PLXDC1: variants seen among roughly 807,000 people sequenced by gnomAD.
PLXDC1 encodes plexin domain-containing protein 1.
PLXDC1 carries 39 observed loss-of-function variants against 61.3 expected under a neutral mutation model. That is an observed-to-expected ratio of 0.64 (90% confidence interval 0.49 to 0.83). The LOEUF (loss-of-function observed/expected upper bound fraction) is 0.83, where lower values mean the gene tolerates loss of function less well. PLXDC1 is among the 40% of genes least tolerant of loss of function. The pLI is 0.00. For synonymous variants in PLXDC1, 212 were observed against 254.5 expected, an observed-to-expected ratio of 0.83 and a Z score of 1.59; for missense variants, 596 against 666.5, an observed-to-expected ratio of 0.89 and a Z score of 1.17.
Position 39,129,546 on chromosome 17 carries a change from G to A in PLXDC1, c.255+10108C>T, listed in dbSNP as rs966491304. On this transcript the variant is annotated intron_variant, in intron 2 of 13. Transcript: ENST00000315392. ...GCAGGAGAATCGTTTGAACCCGGGA[G>A]GCGGAGGTTGCAGTGAGCTGAGATT... Among the ~76,000 whole-genome samples the A allele has an allele frequency of 2.0e-5, 3 of 151,560 alleles. No individual in the cohort carries two copies. The East Asian group carries it at 5.8e-4, about 29-fold the overall frequency.
rs553742745 is a variant in PLXDC1, at chr17:39,122,681, C to A, written c.256-13290G>T. On this transcript the variant is annotated intron_variant, in intron 2 of 13. Transcript: ENST00000315392. Reference sequence around the variant, plus strand: ...CACAGCCCATTGTAGAAGCTCTGACCAGGATGACTTGACATTACAAAGGAG... The same window carrying A: ...CACAGCCCATTGTAGAAGCTCTGACAAGGATGACTTGACATTACAAAGGAG... Among the ~76,000 whole-genome samples the A allele has an allele frequency of 1.2e-4, 18 of 152,266 alleles. No homozygotes were observed. The South Asian group carries it at 1.5e-3, about 12-fold the overall frequency.
At chr17:39,092,529 A>G (rs7213286) in intron 7 of PLXDC1, among the ~76,000 whole-genome samples, 36,190 of 152,282 alleles carry the variant, frequency 0.24, 4,859 homozygotes, top group Non-Finnish European at 0.3. Context: ...GGCTGTGCTG[A>G]GTGCAGAGCA....
chr17:39,074,730 T>C (rs1244808176), intron 11 of PLXDC1, among the ~76,000 whole-genome samples: 2 of 152,072 alleles, frequency 1.3e-5, no homozygotes, highest in Non-Finnish European at 2.9e-5. Flanking sequence ...GGCTAAACCC[T>C]CTGGGTGGGG....
At chr17:39,110,741 G>A (rs753640030) in intron 2 of PLXDC1, among the ~76,000 whole-genome samples, 2 of 152,266 alleles carry the variant, frequency 1.3e-5, no homozygotes, top group African/African-American at 4.8e-5. Context: ...CCTGGGCGCA[G>A]CGTGAGCAGG....
At chr17:39,078,528 T>A (rs1909431050) in intron 10 of PLXDC1, among the ~76,000 whole-genome samples, 1 of 151,992 alleles carries the variant, frequency 6.6e-6, no homozygotes, top group African/African-American at 2.4e-5. Context: ...CAAGAAGATA[T>A]AAAGGGAGGG....
At chr17:39,069,107 A>AT (rs1280923579) in intron 13 of PLXDC1, among the ~76,000 whole-genome samples, 1 of 151,946 alleles carries the variant, frequency 6.6e-6, no homozygotes, top group Non-Finnish European at 1.5e-5. Context: ...TGTCTATTTT[A>AT]TTTTTATTTC....
chr17:39,128,119 A>ATACACATATATATG (rs1911393800), intron 2 of PLXDC1, among the ~76,000 whole-genome samples: 1 of 124,802 alleles, frequency 8.0e-6, no homozygotes, highest in Non-Finnish European at 1.6e-5. Context: ...ATATATGTAT[A>ATACACATATATATG]TATATATGTG....
rs1367270697 is a variant in PLXDC1 at position 39,151,024 on chromosome 17, C to A, written c.76+338G>T. Among the ~76,000 whole-genome samples, 2 of 152,160 alleles carry A rather than the reference C, an allele frequency of 1.3e-5. No individual in the cohort carries two copies. The highest frequency in any genetic ancestry group is 2.9e-5 in the Non-Finnish European group (2 of 68,030). On this transcript the variant is annotated intron_variant, in intron 1 of 13. Transcript: ENST00000315392. The surrounding 1 kb of genome is among the most constrained non-coding windows in gnomAD (Gnocchi z 5.2). ...GGCTCCCATCTCATCAGAATTCAGCCTTGCCTGGGGTGATCAGGGGTCCTG... is the reference window on the plus strand; with the variant it reads ...GGCTCCCATCTCATCAGAATTCAGCATTGCCTGGGGTGATCAGGGGTCCTG...
intron 7 of PLXDC1, among the ~76,000 whole-genome samples, chr17:39,097,811 A>G (rs1303951374): frequency 6.6e-6 from 1 of 151,064 alleles, no homozygotes. Context: ...CTGAGGCAGG[A>G]GGATCGCTTA....
intron 2 of PLXDC1, among the ~76,000 whole-genome samples, chr17:39,114,872 G>A (rs376506073): frequency 6.6e-6 from 1 of 152,180 alleles, no homozygotes; most frequent in Non-Finnish European, 1.5e-5. Context: ...CCTGGGCCCC[G>A]CACAGCGAGA....
intron 2 of PLXDC1, among the ~76,000 whole-genome samples, chr17:39,133,787 T>A (rs1372864547): frequency 6.6e-6 from 1 of 152,078 alleles, no homozygotes; most frequent in Non-Finnish European, 1.5e-5. Context: ...CCTAGCTAAC[T>A]TTTTAAAAAT....
At chr17:39,087,882 A>T (rs1909802422) in intron 7 of PLXDC1, among the ~76,000 whole-genome samples, 180 bp from the exon 8 acceptor site, 1 of 152,048 alleles carries the variant, frequency 6.6e-6, no homozygotes, top group Admixed American at 6.5e-5. Context: ...TGGAGAGGAG[A>T]GTGTTGTGGT....
At chr17:39,135,344 C>A (rs1420541480) in intron 2 of PLXDC1, among the ~76,000 whole-genome samples, 2 of 152,144 alleles carry the variant, frequency 1.3e-5, no homozygotes, top group Non-Finnish European at 2.9e-5. Flanking sequence ...GACAATCGAG[C>A]GGGTCACCAA....
intron 2 of PLXDC1, among the ~76,000 whole-genome samples, chr17:39,111,443 C>T (rs1910797592): frequency 6.6e-6 from 1 of 152,208 alleles, no homozygotes; most frequent in Admixed American, 6.5e-5. Context: ...CGCCTCCACG[C>T]CCAGCAAATT....
Position 39,063,757 on chromosome 17 carries a change from T to G in PLXDC1, c.*4083A>C, listed in dbSNP as rs1908795157. ...ATTCTACCATTAAGTTCAGGTAGGT[T>G]TTTGGAGACAGAGATTGGCCGCATC... is the stretch of plus-strand genomic sequence containing the variant. On this transcript the variant is annotated 3_prime_UTR_variant, in exon 14 of 14. Coordinates refer to ENST00000315392, the MANE Select transcript of PLXDC1 (RefSeq NM_020405.5). 2.2e-6 allele frequency: 1 copy of G among 447,492 alleles called. No individual in the cohort carries two copies. The highest frequency in any genetic ancestry group is 2.0e-5 in the African/African-American group (1 of 50,224). The allele number at this position is 447,492 out of a possible 1,614,324, so 27.7% of individuals were successfully genotyped here.
intron 7 of PLXDC1, among the ~76,000 whole-genome samples, chr17:39,089,257 C>G (rs1009074947): frequency 6.6e-6 from 1 of 152,218 alleles, no homozygotes; most frequent in Non-Finnish European, 1.5e-5. Flanking sequence ...TCTCTGGCCA[C>G]GCTGTGATTG....
intron 12 of PLXDC1, among the ~76,000 whole-genome samples, chr17:39,071,332 G>T (rs1467233401): frequency 7.3e-6 from 1 of 136,776 alleles, no homozygotes; most frequent in Admixed American, 7.6e-5. Flanking sequence ...AGATGAGCAG[G>T]TTGGCAACAA....
chr17:39,108,818 G>T, intron 4 of PLXDC1, 86 bp downstream of exon 4: 1 of 845,288 alleles, frequency 1.2e-6, no homozygotes. Flanking sequence ...ATATAACCCT[G>T]TCTCCAGTGA....
At chr17:39,119,163 C>T (rs1911081542) in intron 2 of PLXDC1, among the ~76,000 whole-genome samples, 3 of 152,140 alleles carry the variant, frequency 2.0e-5, no homozygotes, top group African/African-American at 7.2e-5. Context: ...CTTCTGCACC[C>T]TCACGATAAT....
Sources: gnomAD v4.1 joint callset for allele counts (sites outside exome capture counted in the v4.1 genomes callset) on GRCh38, gnomAD v4.1.1 for gene constraint, Gnocchi (gnomAD v3.1) non-coding constraint, MANE v1.5 for transcripts, NCBI Gene and HGNC (gene_info 2026-07-23, HGNC 2026-07-21) for gene names.